The following KCNK2 variants were observed in gnomAD, a reference collection of about 807,000 sequenced individuals.
The protein encoded by KCNK2 is potassium channel subfamily K member 2.
Under a neutral mutation model 40.5 loss-of-function variants are expected in KCNK2, and 21 were observed. That is an observed-to-expected ratio of 0.52 (90% CI 0.37 to 0.75). KCNK2 has a LOEUF of 0.75. Among genes scored for constraint, KCNK2 ranks in the 30% least tolerant of loss-of-function variants. KCNK2 has a pLI of 0.00. For missense variants in KCNK2, 399 were observed against 531.6 expected (o/e 0.75, Z 2.45); for synonymous variants, 191 against 202.2 (o/e 0.94, Z 0.47).
Position 215,099,637 on chromosome 1 carries a change from G to C in KCNK2, c.357+12959G>C, listed in dbSNP as rs868499435. Among the ~76,000 whole-genome samples the C allele has an allele frequency of 4.6e-5, 7 of 151,880 alleles. No individual in the cohort carries two copies. In the South Asian group the frequency reaches 1.5e-3, roughly 31 times the overall value. On this transcript the variant is annotated intron_variant, in intron 2 of 6. Coordinates refer to ENST00000444842, the MANE Select transcript of KCNK2 (RefSeq NM_001017425.3). ...TTAGGGAAATAAGTGGTACATGTCAGGACAGAGGAAAGGGAGGGGGATCTC... is the reference window on the plus strand; with the variant it reads ...TTAGGGAAATAAGTGGTACATGTCACGACAGAGGAAAGGGAGGGGGATCTC...
At chr1:215,052,145 C>T (rs1028989459) in intron 1 of KCNK2, among the ~76,000 whole-genome samples, 1 of 151,882 alleles carries the variant, frequency 6.6e-6, no homozygotes, top group Non-Finnish European at 1.5e-5. Context: ...AATATAATTT[C>T]AAATAGAGAT....
In KCNK2 at chr1:215,009,381, C is replaced by A. The variant is rs77463277; in HGVS notation, c.34+3426C>A. 3.4e-3 allele frequency among the ~76,000 whole-genome samples: 525 copies of A among 152,218 alleles called. 1 individual carries two copies. The highest frequency in any genetic ancestry group is 0.012 in the African/African-American group (500 of 41,546). Reference sequence around the variant, plus strand: ...ATTACTGTATTTGTGAGAGTGTCAGCAGCAGCTATTAAAGAAAATAATATC... The same window carrying A: ...ATTACTGTATTTGTGAGAGTGTCAGAAGCAGCTATTAAAGAAAATAATATC... On this transcript the variant is annotated intron_variant, in intron 1 of 6. Coordinates refer to the KCNK2 transcript ENST00000391895.
At chr1:215,022,517 C>T (rs1571852776) in intron 1 of KCNK2, among the ~76,000 whole-genome samples, 2 of 152,276 alleles carry the variant, frequency 1.3e-5, no homozygotes, top group Admixed American at 6.5e-5. Flanking sequence ...TCAAATTTGT[C>T]TCAGCCTTTT....
chr1:215,125,045 T>C (rs1661353620), intron 3 of KCNK2, among the ~76,000 whole-genome samples: 1 of 152,216 alleles, frequency 6.6e-6, no homozygotes, highest in Admixed American at 6.5e-5. Flanking sequence ...ATTATTTCTT[T>C]AGGCAATTAG....
At chr1:215,099,899 A>G (rs368654680) in intron 2 of KCNK2, among the ~76,000 whole-genome samples, 1 of 152,058 alleles carries the variant, frequency 6.6e-6, no homozygotes, top group African/African-American at 2.4e-5. Flanking sequence ...CATTGGGAAA[A>G]TAAAAAATTC....
Position 215,083,150 on chromosome 1 carries a change from C to T in KCNK2, c.-236C>T. 1 of 891,060 alleles carries T rather than the reference C, an allele frequency of 1.1e-6. No homozygotes were observed. Among genetic ancestry groups the T allele is most frequent in the South Asian group, 1.6e-5 (1 of 64,408 alleles). 55.2% of individuals were successfully genotyped at this position (891,060 alleles called of 1,614,324 possible). On this transcript the variant is annotated 5_prime_UTR_variant, in exon 1 of 7. Transcript: ENST00000444842. ...GCCTCCGCCTCGCCCTCTGCCCAGC[C>T]CGCCGGTGTCCCCTCCTTCCCGCGA...
In KCNK2 at chr1:215,111,065, T is replaced by A. The variant is rs370169334; in HGVS notation, c.358-13568T>A. 1.6e-4 allele frequency among the ~76,000 whole-genome samples: 25 copies of A among 152,298 alleles called. 1 individual carries two copies. The East Asian group carries it at 4.8e-3, about 29-fold the overall frequency. ...CCCCATAATTTGCTTTTTCAGAATG[T>A]CATATAGTTGGAATTATATAGCATG... On this transcript the variant is annotated intron_variant, in intron 2 of 6. Coordinates refer to ENST00000444842, the MANE Select transcript of KCNK2 (RefSeq NM_001017425.3).
chr1:215,074,117 G>A (rs1658852993), intron 1 of KCNK2, among the ~76,000 whole-genome samples: 1 of 152,104 alleles, frequency 6.6e-6, no homozygotes, highest in African/African-American at 2.4e-5. Context: ...AATTTGGGGA[G>A]ATCACACAAC....
At chr1:215,070,399 G>A (rs1213777845) in intron 1 of KCNK2, among the ~76,000 whole-genome samples, 1 of 120,470 alleles carries the variant, frequency 8.3e-6, no homozygotes, top group East Asian at 2.6e-4. Context: ...CTGGGCAACA[G>A]AGTGAGACCC....
At chr1:215,229,766 G>A (rs1000735398) in intron 6 of KCNK2, among the ~76,000 whole-genome samples, 4 of 151,974 alleles carry the variant, frequency 2.6e-5, no homozygotes, top group African/African-American at 9.7e-5. Context: ...ACTTTTATGA[G>A]TCAATGTATT....
At chr1:215,143,190 A>G (rs972070159) in intron 3 of KCNK2, among the ~76,000 whole-genome samples, 2 of 151,938 alleles carry the variant, frequency 1.3e-5, no homozygotes, top group African/African-American at 4.8e-5. Flanking sequence ...AAATAGATCT[A>G]TTTGTGCATG....
intron 1 of KCNK2, among the ~76,000 whole-genome samples, chr1:215,054,567 C>T (rs541190079): frequency 3.3e-5 from 5 of 152,158 alleles, no homozygotes; most frequent in South Asian, 4.1e-4. Context: ...GCTGTTCTAC[C>T]GAGCTTTGCT....
Position 215,086,355 on chromosome 1 carries a change from C to G in KCNK2, c.47-13C>G, listed in dbSNP as rs1659438260. On this transcript the variant is annotated splice_polypyrimidine_tract_variant and intron_variant, in intron 1 of 6. Transcript: ENST00000444842. ...TCTCCTCCAACCTAACCCTCATTCT[C>G]TGTTGTTGTCAGTGGCGGCACCTGA... 1 of 1,609,216 alleles carries G rather than the reference C, an allele frequency of 6.2e-7. No homozygotes were observed. The highest frequency in any genetic ancestry group is 8.5e-7 in the Non-Finnish European group (1 of 1,176,332).
intron 1 of KCNK2, among the ~76,000 whole-genome samples, chr1:215,070,980 T>C (rs1204634019): frequency 3.9e-5 from 6 of 152,212 alleles, no homozygotes; most frequent in Admixed American, 2.6e-4. Context: ...AATCAATTAT[T>C]AATGTAATTA....
intron 1 of KCNK2, among the ~76,000 whole-genome samples, chr1:215,063,015 G>A (rs956964673): frequency 6.6e-6 from 1 of 152,170 alleles, no homozygotes; most frequent in African/African-American, 2.4e-5. Flanking sequence ...TCCTGTGAGA[G>A]AAGGAAAAAC....
At chr1:215,130,554 T>A (rs1661623351) in intron 3 of KCNK2, among the ~76,000 whole-genome samples, 1 of 152,142 alleles carries the variant, frequency 6.6e-6, no homozygotes, top group Admixed American at 6.5e-5. Context: ...GCTACTGGTG[T>A]CTGACTTGGA....
intron 1 of KCNK2, among the ~76,000 whole-genome samples, chr1:215,030,659 C>G (rs1054440633): frequency 6.6e-6 from 1 of 151,730 alleles, no homozygotes; most frequent in Non-Finnish European, 1.5e-5. Flanking sequence ...CTCAGCCTCC[C>G]GAGTAGCTGG....
At chr1:215,072,630 C>T (rs1901624) in intron 1 of KCNK2, among the ~76,000 whole-genome samples, 11,918 of 152,172 alleles carry the variant, frequency 0.078, 516 homozygotes, top group Middle Eastern at 0.15. Flanking sequence ...TCTCTGGGCC[C>T]ACTTCATGTG....
chr1:215,136,084 A>G (rs1169275743), intron 3 of KCNK2, among the ~76,000 whole-genome samples: 5 of 151,908 alleles, frequency 3.3e-5, no homozygotes, highest in Non-Finnish European at 7.4e-5. Context: ...GTGATCATTC[A>G]AAATAGTGTA....
Sources: allele counts gnomAD v4.1 joint callset (sites outside exome capture counted in the v4.1 genomes callset), GRCh38; gene constraint gnomAD v4.1.1; transcripts MANE v1.5; gene names NCBI Gene and HGNC (gene_info 2026-07-23, HGNC 2026-07-21).